The following ACTR3C variants were observed in gnomAD, a reference collection of about 807,000 sequenced individuals.
ACTR3C encodes the protein actin related protein 3C.
A neutral mutation model predicts 26.3 loss-of-function variants in ACTR3C; 18 were observed. The observed-to-expected ratio is 0.68, with a 90% CI of 0.47 to 1.01. ACTR3C has a LOEUF of 1.01. ACTR3C is among the 50% of genes least tolerant of loss of function. ACTR3C has a pLI of 0.00. For missense variants in ACTR3C, 184 were observed against 250.7 expected, an observed-to-expected ratio of 0.73 and a Z score of 1.80; for synonymous variants, 55 against 94.5, an observed-to-expected ratio of 0.58 and a Z score of 2.42.
At chr7:150,123,232 A>AT in the ACTR3C span, among the ~76,000 whole-genome samples, 1 of 152,190 alleles carries the variant, frequency 6.6e-6, no homozygotes, top group Non-Finnish European at 1.5e-5. Context: ...TTAAAGTATA[A>AT]TAAAAAAAGG....
chr7:150,238,673 C>A, the ACTR3C span, among the ~76,000 whole-genome samples: 1 of 147,048 alleles, frequency 6.8e-6, no homozygotes, highest in Admixed American at 6.7e-5. Context: ...ATTGTTATGA[C>A]ATTTGCAGAG....
the ACTR3C span, among the ~76,000 whole-genome samples, chr7:149,992,258 G>A: frequency 6.6e-6 from 1 of 152,250 alleles, no homozygotes; most frequent in Non-Finnish European, 1.5e-5. Flanking sequence ...ATACACGGTA[G>A]CAGACTGTTT....
chr7:150,093,893 C>T, the ACTR3C span, among the ~76,000 whole-genome samples: 1 of 150,844 alleles, frequency 6.6e-6, no homozygotes, highest in African/African-American at 2.5e-5. Flanking sequence ...AATTAGTTAT[C>T]GAGGGCTTCC....
At chr7:150,252,918 A>T (rs61319261) in intron 6 of ACTR3C, among the ~76,000 whole-genome samples, 1 of 150,530 alleles carries the variant, frequency 6.6e-6, no homozygotes, top group South Asian at 2.1e-4. Context: ...TCAATTGTGG[A>T]TGATATTTAT....
the ACTR3C span, among the ~76,000 whole-genome samples, chr7:149,976,107 G>T: frequency 1.3e-5 from 2 of 152,188 alleles, no homozygotes; most frequent in African/African-American, 4.8e-5. Flanking sequence ...AGTTCCTCAT[G>T]TGTACTGTTT....
chr7:150,278,604 C>T (rs376470996), intron 6 of ACTR3C, among the ~76,000 whole-genome samples: 2 of 152,354 alleles, frequency 1.3e-5, no homozygotes, highest in African/African-American at 2.4e-5. Context: ...GGCAGAGCTC[C>T]GCCATCCACA....
the ACTR3C span, among the ~76,000 whole-genome samples, chr7:149,924,201 G>A: frequency 2.0e-5 from 3 of 148,688 alleles, no homozygotes; most frequent in Non-Finnish European, 4.4e-5. Flanking sequence ...CATGGTGGAA[G>A]CCCGTCTCTA....
the ACTR3C span, among the ~76,000 whole-genome samples, chr7:150,190,895 G>A: frequency 6.6e-6 from 1 of 152,128 alleles, no homozygotes; most frequent in Non-Finnish European, 1.5e-5. Context: ...AACGTGCCAA[G>A]CAAAGGGGGA....
At chr7:150,232,522 A>G in the ACTR3C span, among the ~76,000 whole-genome samples, 12 of 149,350 alleles carry the variant, frequency 8.0e-5, no homozygotes, top group South Asian at 2.5e-3. Context: ...TTAATTATAC[A>G]TATTTTAAAA....
At chr7:150,237,333 C>A in the ACTR3C span, among the ~76,000 whole-genome samples, 7 of 152,202 alleles carry the variant, frequency 4.6e-5, no homozygotes, top group Non-Finnish European at 1.0e-4. Context: ...AGGGCTTTTG[C>A]TGCAGCCTGT....
the ACTR3C span, among the ~76,000 whole-genome samples, chr7:150,006,727 TGG>T: frequency 6.6e-6 from 1 of 151,920 alleles, no homozygotes; most frequent in Non-Finnish European, 1.5e-5. Context: ...GGCGCCTCTA[TGG>T]GCAATGGTGG....
the ACTR3C span, among the ~76,000 whole-genome samples, chr7:149,924,629 T>C: frequency 6.6e-6 from 1 of 152,018 alleles, no homozygotes; most frequent in Middle Eastern, 3.2e-3. Context: ...ATAACACGTT[T>C]TGGTTTTTAT....
chr7:150,285,689 C>A (rs1263375147), intron 5 of ACTR3C, among the ~76,000 whole-genome samples: 2 of 152,154 alleles, frequency 1.3e-5, no homozygotes, highest in Non-Finnish European at 2.9e-5. Flanking sequence ...AAACAAACAG[C>A]AGTTTGTAAC....
downstream of ACTR3C, among the ~76,000 whole-genome samples, chr7:150,240,357 C>T (rs1293244398): frequency 6.6e-6 from 1 of 152,162 alleles, no homozygotes; most frequent in East Asian, 1.9e-4. Flanking sequence ...TTGAAGTCTA[C>T]AAGAATGCTC....
At chr7:150,003,989 TGTG>T in the ACTR3C span, among the ~76,000 whole-genome samples, 13 of 152,024 alleles carry the variant, frequency 8.6e-5, no homozygotes, top group Admixed American at 2.6e-4. Context: ...CTGTGTATGA[TGTG>T]GTGTGTAGGT....
At chr7:150,110,674 G>A in the ACTR3C span, among the ~76,000 whole-genome samples, 109 of 150,624 alleles carry the variant, frequency 7.2e-4, no homozygotes, top group Non-Finnish European at 5.2e-4. Context: ...GTCTGAGGGC[G>A]GGGATGATCA....
the ACTR3C span, among the ~76,000 whole-genome samples, chr7:150,116,668 G>C: frequency 6.6e-6 from 1 of 152,220 alleles, no homozygotes; most frequent in Admixed American, 6.5e-5. Flanking sequence ...TGCTGTGTGA[G>C]TGATATTCAA....
chr7:150,215,148 A>G, the ACTR3C span, among the ~76,000 whole-genome samples: 29,231 of 150,190 alleles, frequency 0.19, 4,113 homozygotes, highest in African/African-American at 0.4. Context: ...AACACTAGAA[A>G]TAGAAGGTAA....
chr7:149,952,668 C>T, the ACTR3C span, among the ~76,000 whole-genome samples: 2 of 148,490 alleles, frequency 1.3e-5, no homozygotes, highest in African/African-American at 2.6e-5. Flanking sequence ...ATACCAAATA[C>T]CAGGGCTAAA....
Sources: gnomAD v4.1 joint callset for allele counts (sites outside exome capture counted in the v4.1 genomes callset) on GRCh38, gnomAD v4.1.1 for gene constraint, MANE v1.5 for transcripts, NCBI Gene and HGNC (gene_info 2026-07-23, HGNC 2026-07-21) for gene names.